DDX41: variants seen among roughly 807,000 people sequenced by gnomAD.
DDX41 encodes DEAD-box helicase 41, also known as probable ATP-dependent RNA helicase DDX41.
DDX41 carries 50 observed loss-of-function variants against 78.8 expected under a neutral mutation model. The observed-to-expected ratio is 0.63, with a 90% CI of 0.51 to 0.80. DDX41 has a LOEUF of 0.80. Among genes scored for constraint, DDX41 ranks in the 30% least tolerant of loss-of-function variants. The pLI, the probability that DDX41 is intolerant of heterozygous loss-of-function variation, is 0.00. For missense variants in DDX41, 633 were observed against 849.2 expected (o/e 0.75, Z 3.16); for synonymous variants, 381 against 321.5 (o/e 1.19, Z -1.98).
Position 177,511,593 on chromosome 5 carries a change from G to C in DDX41, c.*198C>G, listed in dbSNP as rs964711131. The C allele has an allele frequency of 7.0e-6, 5 of 719,216 alleles. No individual in the cohort carries two copies. Among genetic ancestry groups the C allele is most frequent in the Admixed American group, 2.9e-5 (1 of 34,556 alleles). The allele number at this position is 719,216 out of a possible 1,614,324, so 44.6% of individuals were successfully genotyped here. ...GGCCAGGGCTGGGCTAGAGGTTTGG[G>C]CTTTAATGGCAGCTGGGGTAAAAGG... On this transcript the variant is annotated 3_prime_UTR_variant, in exon 17 of 17. Coordinates refer to ENST00000330503, the MANE Select transcript of DDX41 (RefSeq NM_016222.4).
In DDX41 at chr5:177,515,050, TC is replaced by T; in HGVS notation, c.663del (p.Met221IlefsTer2). 1 of 1,613,214 alleles carries T rather than the reference TC, an allele frequency of 6.2e-7. No individual in the cohort carries two copies. The highest frequency in any genetic ancestry group is 1.3e-5 in the African/African-American group (1 of 75,020). Reference sequence around the variant, plus strand: ...CCTGAACCCGTGAAAGCGATGCCTATCATGTCACGGCCAGATAGACTGTTGG... The same window carrying T: ...CCTGAACCCGTGAAAGCGATGCCTATATGTCACGGCCAGATAGACTGTTGG... ...GIPTILSGRD[M>X]IGIAFTGSGK... On this transcript the variant is annotated frameshift_variant, in exon 8 of 17. Transcript: ENST00000330503. LOFTEE classifies it high-confidence loss of function.
At position 177,513,837 on chromosome 5, in the gene DDX41, TG is replaced by T; in HGVS notation, c.945del (p.His315GlnfsTer2). ...AGGCGCCCCGGGGTGGCCACCATCA[TG>T]TGTACACCGCTGGGGACCAAGGAGA... Reference protein sequence around the residue: ...EQMETIRHGVHMMVATPGRLM... With the variant: ...EQMETIRHGVXMMVATPGRLM... On this transcript the variant is annotated frameshift_variant, in exon 10 of 17. Transcript: ENST00000330503. LOFTEE classifies it high-confidence loss of function. The surrounding 1 kb of genome is among the most constrained non-coding windows in gnomAD (Gnocchi z 4.6). The T allele has an allele frequency of 6.2e-7, 1 of 1,613,438 alleles. No individual in the cohort carries two copies. The highest frequency in any genetic ancestry group is 8.5e-7 in the Non-Finnish European group (1 of 1,179,828).
chr5:177,512,398 A>G lies in DDX41; in HGVS notation c.1550-5T>C. The G allele has an allele frequency of 6.2e-7, 1 of 1,614,086 alleles. No homozygotes were observed. The highest frequency in any genetic ancestry group is 1.1e-5 in the South Asian group (1 of 91,090). On this transcript the variant is annotated splice_polypyrimidine_tract_variant and splice_region_variant and intron_variant, in intron 14 of 16. Coordinates refer to ENST00000330503, the MANE Select transcript of DDX41 (RefSeq NM_016222.4). ...CGGTGCGGCCAATCCGGTGTACTGC[A>G]GAGAGAAGGACAGAGTCTCTGGCCC...
chr5:177,516,809 G>A lies in DDX41; in HGVS notation c.54C>T (p.Ala18=). ...RKRARTDEVP[A]GGSRSEAEDE... is the part of the protein sequence containing the mutation. The stretch of plus-strand genomic sequence containing the variant: ...CTTCCGCCTCGGAGCGGCTTCCTCC[G>A]GCAGGCACCTCGTCGGTGCGAGCCC... Residue 18 remains alanine, a synonymous_variant, in exon 2 of 17, where the codon GCC becomes GCT. Transcript: ENST00000330503. 3.1e-6 allele frequency: 5 copies of A among 1,612,552 alleles called. 1 individual carries two copies. In the South Asian group the frequency reaches 3.3e-5, roughly 11 times the overall value.
Position 177,512,219 on chromosome 5 carries a change from T to C in DDX41, c.1622-13A>G. 1.2e-6 allele frequency: 2 copies of C among 1,612,562 alleles called. No individual in the cohort carries two copies. Among genetic ancestry groups the C allele is most frequent in the Non-Finnish European group, 1.7e-6 (2 of 1,179,702 alleles). ...AGCACTGACTCATCTGGGGGAGGAG[T>C]GGGGAAGCATCAGGGCCCATCCTGG... On this transcript the variant is annotated splice_polypyrimidine_tract_variant and intron_variant, in intron 15 of 16. Transcript: ENST00000330503.
intron 1 of DDX41, 30 bp downstream of exon 1, chr5:177,516,889 C>T (rs1761265016): frequency 1.2e-6 from 2 of 1,613,370 alleles, no homozygotes; most frequent in Middle Eastern, 1.6e-4. Context: ...CGCCCGCTCC[C>T]ACACGCGCGG....
intron 13 of DDX41, 36 bp downstream of exon 13, chr5:177,512,744 C>T (rs1230273407): frequency 6.2e-7 from 1 of 1,613,290 alleles, no homozygotes; most frequent in Non-Finnish European, 8.5e-7. Flanking sequence ...ACTGCTACTG[C>T]AGCAGGGTCC....
Position 177,514,344 on chromosome 5 carries a change from T to C in DDX41, c.935+357A>G, listed in dbSNP as rs978624914. ...GCCCTACCCCAGTGCCTCAACCTCC[T>C]TGACTGACCACTGAATGACCCTGAC... On this transcript the variant is annotated intron_variant, in intron 9 of 16. Transcript: ENST00000330503. The surrounding 1 kb of genome is among the most constrained non-coding windows in gnomAD (Gnocchi z 4.2). 1.7e-5 allele frequency: 8 copies of C among 461,056 alleles called. No homozygotes were observed. Among genetic ancestry groups the C allele is most frequent in the Admixed American group, 5.7e-5 (2 of 35,026 alleles). 28.6% of individuals were successfully genotyped at this position (461,056 alleles called of 1,614,324 possible). A position where few individuals can be genotyped will look rare whatever the true frequency, so the allele number is the denominator to read the frequency against.
rs754515731 is a variant in DDX41 at position 177,515,652 on chromosome 5, A to C, written c.571+33T>G. The C allele has an allele frequency of 5.6e-6, 9 of 1,611,006 alleles. No homozygotes were observed. In the African/African-American group the frequency reaches 1.2e-4, roughly 22 times the overall value. On this transcript the variant is annotated intron_variant, in intron 6 of 16. Coordinates refer to ENST00000330503, the MANE Select transcript of DDX41 (RefSeq NM_016222.4). ...ATAACCTCACAGGCATTTGATTATAAAAGTGTGGTATCTCTCTCCAGCCCC... is the reference window on the plus strand; with the variant it reads ...ATAACCTCACAGGCATTTGATTATACAAGTGTGGTATCTCTCTCCAGCCCC...
chr5:177,512,691 G>T (rs377423028), intron 13 of DDX41, 46 bp from the exon 14 acceptor site: 7 of 1,613,284 alleles, frequency 4.3e-6, no homozygotes, highest in Non-Finnish European at 5.1e-6. Context: ...ATGGGACAGG[G>T]GAGTGGCAGG....
chr5:177,511,990 GCCC>G, intron 16 of DDX41, 63 bp from the exon 17 acceptor site: 1 of 1,606,480 alleles, frequency 6.2e-7, no homozygotes, highest in South Asian at 1.1e-5. Flanking sequence ...TGGACTTCGG[GCCC>G]CCCGTTAGGC....
Position 177,516,418 on chromosome 5 carries a change from C to A in DDX41, c.168G>T (p.Lys56Asn). The change falls in exon 3 of 17, where the codon AAG (lysine) becomes AAT (asparagine). Residue 56 changes from lysine (K) to asparagine (N), a missense_variant. Around this residue, in one of 6 missense-constraint regions of DDX41, gnomAD observed 140 missense variants for 115.2 expected, o/e 1.22. Coordinates refer to ENST00000330503, the MANE Select transcript of DDX41 (RefSeq NM_016222.4). ...LLQKLLQRRR[K>N]GAAEEEQQDS... is the part of the protein sequence containing the mutation. The stretch of plus-strand genomic sequence containing the variant: ...CCTGCTGCTCTTCCTCCGCAGCTCC[C>A]TTGCGTCTTCGCTGCAGCAGCTTCT... 6.2e-7 allele frequency: 1 copy of A among 1,613,876 alleles called. No homozygotes were observed. The highest frequency in any genetic ancestry group is 8.5e-7 in the Non-Finnish European group (1 of 1,180,040).
Position 177,515,988 on chromosome 5 carries a change from T to G in DDX41, c.375A>C (p.Ala125=). 6.2e-7 allele frequency: 1 copy of G among 1,614,176 alleles called. No individual in the cohort carries two copies. Among genetic ancestry groups the G allele is most frequent in the Non-Finnish European group, 8.5e-7 (1 of 1,180,036 alleles). ...KILESVAEGR[A]LMSVKEMAKG... ...TAGCCATCTCCTTCACTGACATCAA[T>G]GCTGAAGAGAGAGACATGGCTCAGG... is the stretch of plus-strand genomic sequence containing the variant. Residue 125 remains alanine, a splice_region_variant and synonymous_variant, in exon 5 of 17, where the codon GCA becomes GCC. Transcript: ENST00000330503.
At chr5:177,512,960 C>T (rs1293158778) in intron 12 of DDX41, 51 bp downstream of exon 12, 3 of 1,609,902 alleles carry the variant, frequency 1.9e-6, no homozygotes, top group Non-Finnish European at 2.5e-6. Flanking sequence ...CCCTCCAAAG[C>T]CCTCCCTGGT....
Position 177,516,921 on chromosome 5 carries a change from T to C in DDX41, c.25A>G (p.Lys9Glu), listed in dbSNP as rs1261255726. 18 of 1,612,298 alleles carry C rather than the reference T, an allele frequency of 1.1e-5. No individual in the cohort carries two copies. In the Admixed American group the frequency reaches 2.8e-4, roughly 25 times the overall value. Residue 9 changes from lysine (K) to glutamate (E), a missense_variant and splice_region_variant, in exon 1 of 17, where the codon AAG becomes GAG. Lys to Glu is a moderately conservative substitution (Grantham distance 56). This residue lies in a region of DDX41 where 140 missense variants were observed against 115.2 expected (regional missense o/e 1.22). Coordinates refer to ENST00000330503, the MANE Select transcript of DDX41 (RefSeq NM_016222.4). ...GCGGGGTCTCGCCTCTCTCCTACCT[T>C]CCGTTCGGGTTCCGACTCCTCCATT... MEESEPER[K>E]RARTDEVPAG...
chr5:177,514,902 C>G lies in DDX41; in HGVS notation c.798+14G>C. 6.2e-7 allele frequency: 1 copy of G among 1,603,508 alleles called. No homozygotes were observed. The highest frequency in any genetic ancestry group is 1.1e-5 in the South Asian group (1 of 90,970). On this transcript the variant is annotated intron_variant, in intron 8 of 16. Transcript: ENST00000330503. This position sits in a 1 kb window ranked among gnomAD's most constrained non-coding sequence, Gnocchi z 4.2. Reference sequence around the variant, plus strand: ...CCCAATCTCTGGCCTGCCCTCCAGGCCAGCCTATCTTACCGAGGGGCAGAT... The same window carrying G: ...CCCAATCTCTGGCCTGCCCTCCAGGGCAGCCTATCTTACCGAGGGGCAGAT...
chr5:177,512,569 G>A lies in DDX41; in HGVS notation c.1476C>T (p.Ala492=). ...TGGCAGGGAAGTCCAGGCCCTTGGA[G>A]GCAACGTCTGTGGCTACTAGGACAT... ...KKDVLVATDV[A]SKGLDFPAIQ... The change falls in exon 14 of 17, where the codon GCC becomes GCT. Residue 492 remains alanine, a synonymous_variant. Transcript: ENST00000330503. 2 of 1,614,200 alleles carry A rather than the reference G, an allele frequency of 1.2e-6. No individual in the cohort carries two copies. Among genetic ancestry groups the A allele is most frequent in the South Asian group, 1.1e-5 (1 of 91,092 alleles).
At position 177,514,744 on chromosome 5, in the gene DDX41, T is replaced by A; in HGVS notation, c.892A>T (p.Ile298Phe). 1 of 1,612,668 alleles carries A rather than the reference T, an allele frequency of 6.2e-7. No homozygotes were observed. The highest frequency in any genetic ancestry group is 8.5e-7 in the Non-Finnish European group (1 of 1,179,800). Residue 298 changes from isoleucine to phenylalanine, a missense_variant, in exon 9 of 17, where the codon ATT becomes TTT. By Grantham distance (21) the Ile-to-Phe change is conservative. Around this residue, in one of 6 missense-constraint regions of DDX41, gnomAD observed 151 missense variants for 169.2 expected, o/e 0.89. Coordinates refer to ENST00000330503, the MANE Select transcript of DDX41 (RefSeq NM_016222.4). This position sits in a 1 kb window ranked among gnomAD's most constrained non-coding sequence, Gnocchi z 4.2. The part of the protein sequence containing the change: ...SSPLLRCALC[I>F]GGMSVKEQME... ...TGCTCTTTCACGGACATGCCCCCAA[T>A]GCAGAGGGCGCAGCGCAGGAGTGGT...
chr5:177,515,829 T>C lies in DDX41; in HGVS notation c.435-8A>G. ...TAACGGGGTGGAGTCCAGCTGTGGA[T>C]GGGTAACAGGGATCAAGAGAGCCCT... On this transcript the variant is annotated splice_region_variant and splice_polypyrimidine_tract_variant and intron_variant, in intron 5 of 16. Transcript: ENST00000330503. 6.2e-7 allele frequency: 1 copy of C among 1,614,136 alleles called. No individual in the cohort carries two copies. Among genetic ancestry groups the C allele is most frequent in the Non-Finnish European group, 8.5e-7 (1 of 1,180,018 alleles).
Sources: allele counts gnomAD v4.1 joint callset, GRCh38; gene constraint gnomAD v4.1.1; regional missense constraint gnomAD v4.1.1; non-coding constraint Gnocchi (gnomAD v3.1); transcripts MANE v1.5; gene names NCBI Gene and HGNC (gene_info 2026-07-23, HGNC 2026-07-21).